The following SCHIP1 variants were observed in gnomAD, a reference collection of about 807,000 sequenced individuals.
SCHIP1 encodes schwannomin interacting protein 1.
In SCHIP1, 8 loss-of-function variants were observed where a neutral mutation model predicts 29.7. That is an observed-to-expected ratio of 0.27 (90% CI 0.16 to 0.49). The LOEUF (loss-of-function observed/expected upper bound fraction) is 0.49. Among genes scored for constraint, SCHIP1 ranks in the 20% least tolerant of loss-of-function variants. SCHIP1 has a pLI of 0.99. For synonymous variants in SCHIP1, 76 were observed against 94.9 expected, an observed-to-expected ratio of 0.80 and a Z score of 1.16; for missense variants, 193 against 294.6, an observed-to-expected ratio of 0.66 and a Z score of 2.52.
the SCHIP1 span, among the ~76,000 whole-genome samples, chr3:159,577,456 C>T: frequency 6.6e-6 from 1 of 152,152 alleles, no homozygotes; most frequent in Non-Finnish European, 1.5e-5. Flanking sequence ...TCACAAAATT[C>T]CAGAGAAAAG....
chr3:159,573,266 T>A, the SCHIP1 span, among the ~76,000 whole-genome samples: 1 of 152,212 alleles, frequency 6.6e-6, no homozygotes, highest in African/African-American at 2.4e-5. Context: ...TTTCTTTCCA[T>A]GTTTAGTGCT....
At chr3:159,400,283 G>T in the SCHIP1 span, among the ~76,000 whole-genome samples, 3 of 152,326 alleles carry the variant, frequency 2.0e-5, no homozygotes, top group Admixed American at 6.5e-5. Context: ...GAGGAAAGGG[G>T]ACATCAAAGT....
At chr3:159,463,591 A>G in the SCHIP1 span, among the ~76,000 whole-genome samples, 2 of 152,126 alleles carry the variant, frequency 1.3e-5, no homozygotes, top group African/African-American at 2.4e-5. Flanking sequence ...ATTATGTTAC[A>G]TAATACTGAA....
chr3:159,551,583 A>G, the SCHIP1 span, among the ~76,000 whole-genome samples: 12 of 152,158 alleles, frequency 7.9e-5, no homozygotes, highest in Admixed American at 3.3e-4. Flanking sequence ...GAACTGTATA[A>G]TACTTTCATT....
the SCHIP1 span, among the ~76,000 whole-genome samples, chr3:159,468,977 C>T: frequency 4.6e-5 from 7 of 151,506 alleles, no homozygotes; most frequent in East Asian, 5.9e-4. Flanking sequence ...CGTGTTAGCC[C>T]GGATGGTCTC....
chr3:159,587,370 C>G, the SCHIP1 span, among the ~76,000 whole-genome samples: 1 of 150,964 alleles, frequency 6.6e-6, no homozygotes, highest in South Asian at 2.1e-4. Context: ...GAATAAAAAA[C>G]TAAACAATTG....
the SCHIP1 span, among the ~76,000 whole-genome samples, chr3:159,570,002 T>C: frequency 6.6e-6 from 1 of 152,126 alleles, no homozygotes; most frequent in African/African-American, 2.4e-5. Flanking sequence ...CTTCGCCGAC[T>C]TTTGGATGGG....
the SCHIP1 span, among the ~76,000 whole-genome samples, chr3:159,597,913 A>G: frequency 6.6e-6 from 1 of 152,164 alleles, no homozygotes; most frequent in African/African-American, 2.4e-5. Flanking sequence ...ATGGCTGGAA[A>G]GGCCTCAGTA....
the SCHIP1 span, chr3:159,764,393 G>T: frequency 6.6e-7 from 1 of 1,511,968 alleles, no homozygotes; most frequent in Non-Finnish European, 8.9e-7. This position sits in a 1 kb window ranked among gnomAD's most constrained non-coding sequence, Gnocchi z 6.1. Flanking sequence ...GGTGGCGGGA[G>T]GCTGGAGCAG....
the SCHIP1 span, among the ~76,000 whole-genome samples, chr3:159,647,067 A>AT: frequency 6.6e-6 from 1 of 152,126 alleles, no homozygotes; most frequent in Non-Finnish European, 1.5e-5. Context: ...CCGAAATGGA[A>AT]TACATAAAGA....
At chr3:159,423,117 C>T in the SCHIP1 span, among the ~76,000 whole-genome samples, 1 of 152,218 alleles carries the variant, frequency 6.6e-6, no homozygotes. Context: ...CTACAGCTCC[C>T]AGCGTGAGCG....
chr3:159,690,311 G>A, the SCHIP1 span, among the ~76,000 whole-genome samples: 1 of 152,120 alleles, frequency 6.6e-6, no homozygotes, highest in African/African-American at 2.4e-5. Context: ...AATTCTTCCT[G>A]GTTTAGTCTT....
At chr3:159,752,630 G>C in the SCHIP1 span, among the ~76,000 whole-genome samples, 89 of 152,120 alleles carry the variant, frequency 5.9e-4, no homozygotes, top group Middle Eastern at 3.4e-3. Context: ...AAGAGGGAGT[G>C]GGGTGGGGAA....
the SCHIP1 span, among the ~76,000 whole-genome samples, chr3:159,554,020 T>TGTGTGTGTGTGTGTGTGTGTGTGTGTG: frequency 1.5e-5 from 1 of 66,636 alleles, no homozygotes; most frequent in African/African-American, 6.7e-5. Context: ...GTGTGTGTGT[T>TGTGTGTGTGTGTGTGTGTGTGTGTGTG]TGTGTATGTG....
At chr3:159,817,800 G>A in the SCHIP1 span, among the ~76,000 whole-genome samples, 123 of 152,218 alleles carry the variant, frequency 8.1e-4, no homozygotes, top group Admixed American at 3.0e-3. Flanking sequence ...TGCAAGACCC[G>A]CCAGTCACAG....
the SCHIP1 span, among the ~76,000 whole-genome samples, chr3:159,357,807 G>A: frequency 2.0e-5 from 3 of 152,164 alleles, no homozygotes; most frequent in African/African-American, 7.2e-5. Context: ...ATGAGAACAT[G>A]GATAAATATA....
chr3:159,707,059 C>G, the SCHIP1 span, among the ~76,000 whole-genome samples: 20 of 152,260 alleles, frequency 1.3e-4, no homozygotes, highest in Admixed American at 1.3e-3. Context: ...AATAATCACA[C>G]AAGCAAATAA....
At chr3:159,864,437 G>A (rs1168761569) in intron 1 of SCHIP1, among the ~76,000 whole-genome samples, 1 of 143,226 alleles carries the variant, frequency 7.0e-6, no homozygotes, top group Non-Finnish European at 1.5e-5. Flanking sequence ...CAAAAAATCT[G>A]TATAAAAGTA....
the SCHIP1 span, among the ~76,000 whole-genome samples, chr3:159,425,149 C>G: frequency 1.8e-4 from 28 of 151,550 alleles, no homozygotes; most frequent in East Asian, 2.3e-3. Flanking sequence ...AGCAAAATAA[C>G]CAGCTAACAC....
Sources: gnomAD v4.1 joint callset for allele counts (sites outside exome capture counted in the v4.1 genomes callset) on GRCh38, gnomAD v4.1.1 for gene constraint, Gnocchi (gnomAD v3.1) non-coding constraint, MANE v1.5 for transcripts, NCBI Gene and HGNC (gene_info 2026-07-23, HGNC 2026-07-21) for gene names.